Variants in ME3 observed in about 807,000 individuals in gnomAD.
The protein encoded by ME3 is malic enzyme 3, also known as NADP-dependent malic enzyme, mitochondrial.
Under a neutral mutation model 68.9 loss-of-function variants are expected in ME3, and 48 were observed. The observed-to-expected ratio is 0.70, with a 90% CI of 0.55 to 0.89. The LOEUF is 0.89. Among genes scored for constraint, ME3 ranks in the 40% least tolerant of loss-of-function variants. ME3 has a pLI of 0.00. For synonymous variants in ME3, 320 were observed against 318.8 expected (o/e 1.00, Z -0.04); for missense variants, 675 against 797.4 (o/e 0.85, Z 1.85).
At chr11:86,466,899 G>A (rs977226145) in intron 7 of ME3, among the ~76,000 whole-genome samples, 2 of 152,184 alleles carry the variant, frequency 1.3e-5, no homozygotes, top group African/African-American at 4.8e-5. Flanking sequence ...ACCTGCACAT[G>A]TCACTTCACC....
intron 2 of ME3, among the ~76,000 whole-genome samples, chr11:86,632,016 A>T (rs1179570269): frequency 6.6e-6 from 1 of 152,216 alleles, no homozygotes; most frequent in Non-Finnish European, 1.5e-5. Context: ...TACAGGTGTG[A>T]GCCACCATGC....
intron 2 of ME3, among the ~76,000 whole-genome samples, chr11:86,570,437 C>T (rs187404203): frequency 3.9e-5 from 6 of 152,194 alleles, no homozygotes; most frequent in Admixed American, 6.5e-5. Context: ...TGGTTGGAGA[C>T]AGGAAATGTG....
At chr11:86,556,522 C>G (rs778517676) in intron 4 of ME3, 31 bp downstream of exon 4, 2 of 1,603,378 alleles carry the variant, frequency 1.2e-6, no homozygotes, top group Non-Finnish European at 8.5e-7. Flanking sequence ...GAGGCAGCCC[C>G]TCCCAGAGCC....
At chr11:86,493,682 C>T (rs1271384696) in intron 6 of ME3, among the ~76,000 whole-genome samples, 2 of 152,202 alleles carry the variant, frequency 1.3e-5, no homozygotes, top group Non-Finnish European at 2.9e-5. Context: ...ATGGGATGTC[C>T]CTTCTTCATG....
chr11:86,567,243 A>AAAGAAAGGAAGAAAGGAAGGAAGG (rs869098620), intron 2 of ME3, among the ~76,000 whole-genome samples: 68 of 144,580 alleles, frequency 4.7e-4, no homozygotes, highest in Middle Eastern at 3.5e-3. Flanking sequence ...GAAAAGAAAG[A>AAAGAAAGGAAGAAAGGAAGGAAGG]AAGGAAGGAA....
In ME3 at chr11:86,614,233, CTAA is replaced by C. The variant is rs1473357515; in HGVS notation, c.184-54413_184-54411del. On this transcript the variant is annotated intron_variant, in intron 2 of 14. Transcript: ENST00000543262. ...TTGCCCCAGTCACTTATTGCCTCAG[CTAA>C]CAGACTGTGGAGCTGGCATTCAAAC... Among the ~76,000 whole-genome samples the C allele has an allele frequency of 2.6e-5, 4 of 152,334 alleles. 1 individual carries two copies. In the East Asian group the frequency reaches 7.7e-4, roughly 29 times the overall value.
At chr11:86,642,789 G>A (rs890116335) in intron 2 of ME3, among the ~76,000 whole-genome samples, 5 of 152,118 alleles carry the variant, frequency 3.3e-5, no homozygotes, top group Admixed American at 6.5e-5. Context: ...TGAATTTCAT[G>A]TTTTGAAAAA....
intron 2 of ME3, among the ~76,000 whole-genome samples, chr11:86,646,747 T>C (rs975694676): frequency 6.6e-6 from 1 of 151,784 alleles, no homozygotes; most frequent in African/African-American, 2.4e-5. Context: ...AGACACATAA[T>C]CATCAGATTC....
chr11:86,610,093 G>A (rs980295200), intron 2 of ME3, among the ~76,000 whole-genome samples: 4 of 152,098 alleles, frequency 2.6e-5, no homozygotes, highest in Non-Finnish European at 5.9e-5. Context: ...TATGCCAAAA[G>A]GCTATACTTT....
intron 2 of ME3, among the ~76,000 whole-genome samples, chr11:86,659,853 T>G (rs1946162618): frequency 6.6e-6 from 1 of 152,198 alleles, no homozygotes; most frequent in African/African-American, 2.4e-5. Context: ...AGATGATAGC[T>G]GAATGGATGG....
chr11:86,632,543 T>C (rs930428075), intron 2 of ME3, among the ~76,000 whole-genome samples: 2 of 152,238 alleles, frequency 1.3e-5, no homozygotes, highest in African/African-American at 4.8e-5. Flanking sequence ...CTGAAGACCC[T>C]GCCTCCCTCA....
chr11:86,602,322 A>C (rs1376376307), intron 2 of ME3, among the ~76,000 whole-genome samples: 3 of 150,506 alleles, frequency 2.0e-5, no homozygotes, highest in Non-Finnish European at 4.4e-5. Flanking sequence ...AGACAAACAG[A>C]GAGCCAAATC....
intron 8 of ME3, chr11:86,457,642 G>A (rs1267254217): frequency 7.8e-7 from 1 of 1,279,448 alleles, no homozygotes; most frequent in East Asian, 5.6e-5. Flanking sequence ...AACTGGAAAG[G>A]AAGCTACTTA....
intron 4 of ME3, among the ~76,000 whole-genome samples, chr11:86,534,823 G>T (rs1259289396): frequency 6.6e-6 from 1 of 152,104 alleles, no homozygotes; most frequent in African/African-American, 2.4e-5. Context: ...GCTCTCTGAG[G>T]CTTTTGTTTT....
the ME3 span, chr11:86,435,172 C>T: frequency 6.6e-6 from 1 of 152,180 alleles, no homozygotes. Flanking sequence ...TTGAATAATA[C>T]AGAACACCTT....
intron 8 of ME3, among the ~76,000 whole-genome samples, chr11:86,451,205 G>A (rs1400377920): frequency 6.6e-6 from 1 of 152,220 alleles, no homozygotes; most frequent in Non-Finnish European, 1.5e-5. Flanking sequence ...TGATTCATGA[G>A]CAGTTGCTAA....
chr11:86,617,412 C>A (rs1305798873), intron 2 of ME3, among the ~76,000 whole-genome samples: 7 of 152,028 alleles, frequency 4.6e-5, no homozygotes, highest in Non-Finnish European at 1.0e-4. Flanking sequence ...ATAAAGAAGA[C>A]AAACTGTTGC....
At chr11:86,668,906 T>A (rs56211569) in intron 2 of ME3, among the ~76,000 whole-genome samples, 1,701 of 152,216 alleles carry the variant, frequency 0.011, 15 homozygotes, top group Middle Eastern at 0.024. Context: ...CTGGAAGGGC[T>A]CTCCTTCTAA....
In ME3 at chr11:86,671,734, C is replaced by T. The variant is rs1296560813; in HGVS notation, c.183+28G>A. 4 of 1,593,340 alleles carry T rather than the reference C, an allele frequency of 2.5e-6. No homozygotes were observed. In the Admixed American group the frequency reaches 5.2e-5, roughly 21 times the overall value. ...TTCCGGCAGCCACGGGATCGCAACG[C>T]GGGCCGTCCTGCCCTCTGGCCCATT... On this transcript the variant is annotated intron_variant, in intron 2 of 14. Coordinates refer to ENST00000543262, the Ensembl canonical transcript of ME3.
Sources: gnomAD v4.1 joint callset for allele counts (sites outside exome capture counted in the v4.1 genomes callset) on GRCh38, gnomAD v4.1.1 for gene constraint, MANE v1.5 for transcripts, NCBI Gene and HGNC (gene_info 2026-07-23, HGNC 2026-07-21) for gene names.